Variants in PREX2 observed in about 807,000 individuals in gnomAD.
PREX2 encodes the protein phosphatidylinositol 3,4,5-trisphosphate-dependent Rac exchanger 2 protein.
PREX2 carries 107 observed loss-of-function variants against 203.2 expected under a neutral mutation model. That is an observed-to-expected ratio of 0.53 (90% CI 0.45 to 0.62). The LOEUF (loss-of-function observed/expected upper bound fraction) is 0.62, where lower values mean the gene tolerates loss of function less well. Among genes scored for constraint, PREX2 ranks in the 20% least tolerant of loss-of-function variants. PREX2 has a pLI of 0.00. For missense variants in PREX2, 1,777 were observed against 1,955.9 expected, an observed-to-expected ratio of 0.91 and a Z score of 1.72; for synonymous variants, 672 against 663.6, an observed-to-expected ratio of 1.01 and a Z score of -0.19.
At chr8:68,018,015 G>T (rs1807455196) in intron 2 of PREX2, 98 bp downstream of exon 2, 3 of 824,440 alleles carry the variant, frequency 3.6e-6, no homozygotes, top group Non-Finnish European at 6.2e-6. Context: ...TTGATCGGCA[G>T]TTCCACTACA....
rs778803390 is a variant in PREX2 at position 68,119,381 on chromosome 8, CATAAG to C, written c.3422-48_3422-44del. ...TATTACAATATTTTGGTACGTTAAA[CATAAG>C]ATGAGTGATTTTGGTTTTTGGTTTT... On this transcript the variant is annotated intron_variant, in intron 27 of 39. Transcript: ENST00000288368. The C allele has an allele frequency of 1.1e-5, 13 of 1,203,262 alleles. No individual in the cohort carries two copies. In the East Asian group the frequency reaches 3.0e-4, roughly 28 times the overall value. The allele number at this position is 1,203,262 out of a possible 1,614,324, so 74.5% of individuals were successfully genotyped here.
At chr8:68,182,875 A>T (rs1353773427) in intron 35 of PREX2, among the ~76,000 whole-genome samples, 1 of 151,656 alleles carries the variant, frequency 6.6e-6, no homozygotes, top group Non-Finnish European at 1.5e-5. Flanking sequence ...AGTTCTCAAG[A>T]TGTCACATTT....
chr8:68,124,835 G>A (rs1810857177), intron 30 of PREX2, among the ~76,000 whole-genome samples: 1 of 151,998 alleles, frequency 6.6e-6, no homozygotes, highest in African/African-American at 2.4e-5. Flanking sequence ...GTGAATTTGG[G>A]TGCCACTCTT....
chr8:68,193,609 A>G (rs942887789), intron 37 of PREX2, among the ~76,000 whole-genome samples: 3 of 152,222 alleles, frequency 2.0e-5, no homozygotes, highest in African/African-American at 4.8e-5. Flanking sequence ...AACAAAAATA[A>G]CATAATGATA....
intron 37 of PREX2, among the ~76,000 whole-genome samples, chr8:68,214,344 G>T (rs1472994870): frequency 6.6e-6 from 1 of 152,262 alleles, no homozygotes; most frequent in Admixed American, 6.5e-5. Flanking sequence ...AAGCTGCAGC[G>T]AGTTGGGATG....
intron 23 of PREX2, among the ~76,000 whole-genome samples, chr8:68,101,686 A>G (rs1313206436): frequency 6.6e-6 from 1 of 152,224 alleles, no homozygotes; most frequent in African/African-American, 2.4e-5. Flanking sequence ...TTTGAAAAAG[A>G]GAGTTGTTCT....
At chr8:68,191,125 T>A (rs1812284543) in intron 35 of PREX2, among the ~76,000 whole-genome samples, 1 of 152,172 alleles carries the variant, frequency 6.6e-6, no homozygotes, top group Non-Finnish European at 1.5e-5. Context: ...GAAATAGTCA[T>A]TACCATATTG....
At chr8:68,051,960 T>C (rs1808537765) in intron 8 of PREX2, among the ~76,000 whole-genome samples, 1 of 152,176 alleles carries the variant, frequency 6.6e-6, no homozygotes, top group Non-Finnish European at 1.5e-5. Context: ...TGTGGTATTA[T>C]TAGTCTGACC....
intron 1 of PREX2, among the ~76,000 whole-genome samples, chr8:68,011,981 T>C (rs1807277617): frequency 6.6e-6 from 1 of 152,214 alleles, no homozygotes; most frequent in Non-Finnish European, 1.5e-5. Flanking sequence ...TTAATTTTAG[T>C]AATTTTACGC....
intron 1 of PREX2, among the ~76,000 whole-genome samples, chr8:68,016,851 A>G (rs1807421841): frequency 1.3e-5 from 2 of 152,170 alleles, no homozygotes; most frequent in South Asian, 2.1e-4. Context: ...TCCTGGCCTT[A>G]AGGGATCCTG....
intron 9 of PREX2, among the ~76,000 whole-genome samples, chr8:68,054,496 G>A (rs1322453936): frequency 6.6e-6 from 1 of 152,092 alleles, no homozygotes; most frequent in Non-Finnish European, 1.5e-5. Context: ...AAAGACAAAT[G>A]ATAATGGCTC....
At chr8:67,980,980 C>T (rs73256089) in intron 1 of PREX2, among the ~76,000 whole-genome samples, 3,126 of 152,262 alleles carry the variant, frequency 0.021, 101 homozygotes, top group African/African-American at 0.069. Context: ...TTTGTCCATT[C>T]AACAACCTGG....
At chr8:68,021,378 C>T (rs1002999208) in intron 3 of PREX2, among the ~76,000 whole-genome samples, 3 of 152,316 alleles carry the variant, frequency 2.0e-5, no homozygotes, top group East Asian at 3.9e-4. Flanking sequence ...CCTGACTTTT[C>T]TATACCTACA....
intron 1 of PREX2, among the ~76,000 whole-genome samples, chr8:67,995,119 C>G (rs1806726992): frequency 6.6e-6 from 1 of 152,054 alleles, no homozygotes; most frequent in Non-Finnish European, 1.5e-5. Context: ...CACTGCCCTT[C>G]ATACATACTG....
intron 1 of PREX2, among the ~76,000 whole-genome samples, chr8:67,991,035 C>G (rs16933921): frequency 0.043 from 6,614 of 152,206 alleles, 453 homozygotes; most frequent in African/African-American, 0.14. Context: ...GAGGGATTCT[C>G]AGCTAACCCG....
chr8:67,999,518 A>G (rs1157656252), intron 1 of PREX2, among the ~76,000 whole-genome samples: 1 of 151,284 alleles, frequency 6.6e-6, no homozygotes, highest in Non-Finnish European at 1.5e-5. Context: ...ACAGATTCAT[A>G]GCCAAATTCT....
chr8:68,113,744 T>C (rs1454379309), intron 25 of PREX2, among the ~76,000 whole-genome samples: 1 of 152,232 alleles, frequency 6.6e-6, no homozygotes, highest in Non-Finnish European at 1.5e-5. Flanking sequence ...TTTTTCTCCT[T>C]ACCATTTGCT....
chr8:68,146,340 C>G lies in PREX2; in HGVS notation c.4219C>G (p.Leu1407Val), dbSNP rs746957295. 1 of 1,612,114 alleles carries G rather than the reference C, an allele frequency of 6.2e-7. No individual in the cohort carries two copies. ...NGGGFKIHPV[L>V]FAQALESMEG... ...AGGAGGGTTTAAAATTCATCCTGTT[C>G]TTTTTGCACAAGGTAAACTGTTTCT... Residue 1407 changes from leucine to valine, a missense_variant, in exon 34 of 40, where the codon CTT (leucine) becomes GTT (valine). Leu to Val is a conservative substitution (Grantham distance 32). Transcript: ENST00000288368.
intron 30 of PREX2, among the ~76,000 whole-genome samples, chr8:68,121,822 C>A (rs1016025638): frequency 6.6e-6 from 1 of 152,132 alleles, no homozygotes; most frequent in African/African-American, 2.4e-5. Context: ...GCCAGGGATG[C>A]TGCTGAACAT....
Sources: gnomAD v4.1 joint callset for allele counts (sites outside exome capture counted in the v4.1 genomes callset) on GRCh38, gnomAD v4.1.1 for gene constraint, MANE v1.5 for transcripts, NCBI Gene and HGNC (gene_info 2026-07-23, HGNC 2026-07-21) for gene names.